NRXN1: variants seen among roughly 807,000 people sequenced by gnomAD.
NRXN1 encodes neurexin 1.
In NRXN1, 39 loss-of-function variants were observed where a neutral mutation model predicts 150.9. The ratio of observed to expected loss-of-function variants is 0.26; its 90% confidence interval spans 0.20 to 0.34. The LOEUF is 0.34. Among genes scored for constraint, NRXN1 ranks in the 10% least tolerant of loss-of-function variants. NRXN1 has a pLI of 1.00. For synonymous variants in NRXN1, 924 were observed against 757.0 expected (o/e 1.22, Z -3.62); for missense variants, 1,815 against 1,949.9 (o/e 0.93, Z 1.30).
intron 9 of NRXN1, among the ~76,000 whole-genome samples, chr2:50,550,080 T>C (rs1434218623): frequency 1.3e-5 from 2 of 152,200 alleles, no homozygotes; most frequent in Non-Finnish European, 2.9e-5. Flanking sequence ...TATTTACTAG[T>C]ATTTTGAATT....
chr2:50,906,770 T>C lies in NRXN1; in HGVS notation c.832+15099A>G, dbSNP rs542617336. On this transcript the variant is annotated intron_variant, in intron 5 of 22. Coordinates refer to ENST00000401669, the MANE Select transcript of NRXN1 (RefSeq NM_001330078.2). ...CTTCTGCCTGAAATGTGTCTACCTA[T>C]GCTAGACAAATATAATGGCACCACA... Among the ~76,000 whole-genome samples the C allele has an allele frequency of 1.1e-3, 165 of 152,208 alleles. 1 individual carries two copies. The highest frequency in any genetic ancestry group is 3.9e-3 in the African/African-American group (160 of 41,556).
intron 18 of NRXN1, among the ~76,000 whole-genome samples, chr2:50,192,996 TA>T (rs1341332121): frequency 6.6e-6 from 1 of 152,174 alleles, no homozygotes; most frequent in Non-Finnish European, 1.5e-5. Context: ...TATTACTCTT[TA>T]AACCCTTTAA....
At chr2:49,927,395 G>A (rs1354725944) in intron 22 of NRXN1, among the ~76,000 whole-genome samples, 1 of 152,160 alleles carries the variant, frequency 6.6e-6, no homozygotes, top group African/African-American at 2.4e-5. Flanking sequence ...ACTTTGCATT[G>A]TATTTATCAG....
intron 22 of NRXN1, among the ~76,000 whole-genome samples, chr2:49,928,566 T>A (rs551931504): frequency 1.3e-3 from 194 of 152,246 alleles, no homozygotes; most frequent in African/African-American, 4.2e-3. Context: ...AAAATTGGAA[T>A]TGTAGCCTCC....
At chr2:51,016,524 T>A (rs530525162) in intron 2 of NRXN1, among the ~76,000 whole-genome samples, 2 of 152,220 alleles carry the variant, frequency 1.3e-5, no homozygotes, top group South Asian at 4.1e-4. Flanking sequence ...CACTGGTCAT[T>A]AGAGAAATGC....
chr2:50,474,071 A>C (rs1433508728), intron 15 of NRXN1, among the ~76,000 whole-genome samples: 1 of 151,926 alleles, frequency 6.6e-6, no homozygotes, highest in Non-Finnish European at 1.5e-5. Context: ...AAGTCTACTG[A>C]CTATTAACCA....
chr2:50,615,388 C>T (rs1173703404), intron 8 of NRXN1: 3 of 152,156 alleles, frequency 2.0e-5, no homozygotes, highest in Admixed American at 1.3e-4. Flanking sequence ...ACAGTCCTTT[C>T]CTACCTCTTC....
At chr2:50,090,043 T>C (rs1231268951) in intron 19 of NRXN1, among the ~76,000 whole-genome samples, 2 of 152,212 alleles carry the variant, frequency 1.3e-5, no homozygotes, top group South Asian at 2.1e-4. Context: ...TTGCCAGTAT[T>C]ATAACAGGCA....
In NRXN1 at chr2:50,172,589, C is replaced by T. The variant is rs138379253; in HGVS notation, c.3546+64200G>A. ...ACTAAAATTGGCAATTCTAGAGAAACTGGATGGCCTGTTAACATCTGGCTT... is the reference window on the plus strand; with the variant it reads ...ACTAAAATTGGCAATTCTAGAGAAATTGGATGGCCTGTTAACATCTGGCTT... On this transcript the variant is annotated intron_variant, in intron 18 of 22. Coordinates refer to ENST00000401669, the MANE Select transcript of NRXN1 (RefSeq NM_001330078.2). Among the ~76,000 whole-genome samples the T allele has an allele frequency of 1.0e-2, 1,519 of 152,290 alleles. 13 individuals are homozygous for T. Among genetic ancestry groups the T allele is most frequent in the Non-Finnish European group, 0.014 (936 of 68,028 alleles).
intron 5 of NRXN1, among the ~76,000 whole-genome samples, chr2:50,913,854 A>G (rs146398818): frequency 3.3e-5 from 5 of 151,888 alleles, no homozygotes; most frequent in Non-Finnish European, 7.4e-5. Context: ...AATGGTAGCT[A>G]TTATTATACA....
intron 2 of NRXN1, among the ~76,000 whole-genome samples, chr2:50,981,252 T>C (rs1274334177): frequency 4.7e-5 from 7 of 149,972 alleles, no homozygotes; most frequent in Admixed American, 4.7e-4. Flanking sequence ...AGGCCAAGAG[T>C]TTGAGACCAG....
rs144049982 is a variant in NRXN1, at chr2:51,026,424, T to C, written c.772+1078A>G. ...ACAACAGTATTTTCCTTGGTCATTG[T>C]CATGTAACAGCACCGGCAAAACACA... On this transcript the variant is annotated intron_variant, in intron 2 of 22. Coordinates refer to ENST00000401669, the MANE Select transcript of NRXN1 (RefSeq NM_001330078.2). 2.5e-4 allele frequency: 407 copies of C among 1,605,444 alleles called. No individual in the cohort carries two copies. In the African/African-American group the frequency reaches 4.7e-3, roughly 19 times the overall value.
intron 2 of NRXN1, among the ~76,000 whole-genome samples, chr2:50,932,926 T>G (rs1687981044): frequency 1.3e-5 from 2 of 152,052 alleles, no homozygotes; most frequent in African/African-American, 4.8e-5. Flanking sequence ...TATTTGTTGA[T>G]TCTATAAAGT....
intron 21 of NRXN1, among the ~76,000 whole-genome samples, chr2:50,008,281 A>T (rs1209027670): frequency 6.6e-6 from 1 of 152,106 alleles, no homozygotes; most frequent in Non-Finnish European, 1.5e-5. Context: ...TGAACAGAAC[A>T]CTAGAGAACT....
At chr2:50,417,820 C>T (rs910572366) in intron 17 of NRXN1, among the ~76,000 whole-genome samples, 4 of 151,738 alleles carry the variant, frequency 2.6e-5, no homozygotes, top group Non-Finnish European at 4.4e-5. Flanking sequence ...AAAGAACGCA[C>T]ATCCAAGAAA....
chr2:50,516,135 T>G (rs1328497842), intron 12 of NRXN1, among the ~76,000 whole-genome samples: 1 of 152,180 alleles, frequency 6.6e-6, no homozygotes, highest in African/African-American at 2.4e-5. Context: ...AATTTAGACA[T>G]GTAAATGGCA....
intron 5 of NRXN1, among the ~76,000 whole-genome samples, chr2:50,628,852 C>A (rs1291528117): frequency 6.6e-6 from 1 of 151,030 alleles, no homozygotes; most frequent in African/African-American, 2.4e-5. Flanking sequence ...CAACACAAGC[C>A]AATGGGAAAA....
chr2:50,354,540 G>T (rs1035982575), intron 17 of NRXN1, among the ~76,000 whole-genome samples: 2 of 118,078 alleles, frequency 1.7e-5, no homozygotes, highest in African/African-American at 7.0e-5. Context: ...CTACCTTAGC[G>T]TCTAGAGTGC....
chr2:50,053,888 A>G (rs1693187136), intron 20 of NRXN1, among the ~76,000 whole-genome samples: 2 of 152,192 alleles, frequency 1.3e-5, no homozygotes, highest in African/African-American at 4.8e-5. Flanking sequence ...TCAAGATCTT[A>G]TATTGTTGGT....
Sources: allele counts gnomAD v4.1 joint callset (sites outside exome capture counted in the v4.1 genomes callset), GRCh38; gene constraint gnomAD v4.1.1; transcripts MANE v1.5; gene names NCBI Gene and HGNC (gene_info 2026-07-23, HGNC 2026-07-21).